Variants in RMDN1 observed in about 807,000 individuals in gnomAD.
The protein encoded by RMDN1 is regulator of microtubule dynamics protein 1.
A neutral mutation model predicts 48.9 loss-of-function variants in RMDN1; 48 were observed. The observed-to-expected ratio is 0.98, with a 90% confidence interval of 0.78 to 1.25. The LOEUF is 1.25. Among genes scored for constraint, RMDN1 ranks in the 50% most tolerant of loss-of-function variants. The pLI is 0.00. For missense variants in RMDN1, 418 were observed against 373.4 expected (o/e 1.12, Z -0.98); for synonymous variants, 148 against 132.6 (o/e 1.12, Z -0.80).
chr8:86,470,985 T>C (rs768171322), downstream of RMDN1, among the ~76,000 whole-genome samples: 1 of 152,086 alleles, frequency 6.6e-6, no homozygotes, highest in African/African-American at 2.4e-5. Flanking sequence ...CTACATGTGA[T>C]AGAATTGCAT....
At chr8:86,481,330 AAAAT>A (rs934435470) in intron 5 of RMDN1, among the ~76,000 whole-genome samples, 1 of 152,190 alleles carries the variant, frequency 6.6e-6, no homozygotes, top group African/African-American at 2.4e-5. Context: ...GTTGTGGTAA[AAAAT>A]AAATAAGTAT....
intron 7 of RMDN1, chr8:86,478,657 A>G (rs375449511): frequency 3.1e-5 from 13 of 423,214 alleles, no homozygotes; most frequent in African/African-American, 2.0e-4. Flanking sequence ...TTAGATTTCA[A>G]ACAGAAAATG....
At chr8:86,503,665 C>A in intron 2 of RMDN1, 1 of 483,868 alleles carries the variant, frequency 2.1e-6, no homozygotes, top group South Asian at 1.6e-5. Flanking sequence ...ACACGGGAGT[C>A]ATCAGTGCTC....
At chr8:86,513,389 T>A (rs1337894884), upstream of RMDN1, among the ~76,000 whole-genome samples, 1 of 152,112 alleles carries the variant, frequency 6.6e-6, no homozygotes, top group Non-Finnish European at 1.5e-5. Context: ...AAAATAAAAA[T>A]AAAAAATAAA....
chr8:86,481,966 A>C, intron 5 of RMDN1: 1 of 874,762 alleles, frequency 1.1e-6, no homozygotes. Flanking sequence ...TGCTGCAAGC[A>C]GAAATCCACA....
intron 2 of RMDN1, among the ~76,000 whole-genome samples, chr8:86,499,537 G>T (rs1817880094): frequency 1.3e-5 from 2 of 152,102 alleles, no homozygotes; most frequent in South Asian, 4.1e-4. Context: ...GGAAATCAGA[G>T]ATGACAGAAA....
At chr8:86,492,257 T>C (rs1563628533) in intron 2 of RMDN1, among the ~76,000 whole-genome samples, 1 of 152,290 alleles carries the variant, frequency 6.6e-6, no homozygotes, top group East Asian at 1.9e-4. Flanking sequence ...AGTTGGGCAC[T>C]TGTGATTATC....
chr8:86,469,731 C>G (rs1030439098), downstream of RMDN1, among the ~76,000 whole-genome samples: 3 of 152,206 alleles, frequency 2.0e-5, no homozygotes, highest in African/African-American at 7.2e-5. Context: ...CTGTAACACT[C>G]AGTTGGCCTT....
At chr8:86,477,460 C>G (rs904874698) in intron 7 of RMDN1, 136 bp from the exon 8 acceptor site, 5 of 644,900 alleles carry the variant, frequency 7.8e-6, no homozygotes, top group Non-Finnish European at 1.3e-5. Flanking sequence ...ATGGTCACTT[C>G]TTCAACAGTG....
chr8:86,468,723 C>T, downstream of RMDN1: 1 of 456,122 alleles, frequency 2.2e-6, no homozygotes, highest in South Asian at 1.5e-5. Flanking sequence ...AGAGACAAAA[C>T]CAGCTTTGTT....
upstream of RMDN1, chr8:86,508,751 T>TGCACAGCACCTCTTCCGCCTCCC: frequency 7.2e-7 from 1 of 1,388,536 alleles, no homozygotes; most frequent in African/African-American, 1.5e-5. Flanking sequence ...TTCCGCCTCC[T>TGCACAGCACCTCTTCCGCCTCCC]GCCCAGCACC....
chr8:86,513,481 G>C (rs1737424458), upstream of RMDN1, among the ~76,000 whole-genome samples: 2 of 152,172 alleles, frequency 1.3e-5, no homozygotes, highest in Admixed American at 1.3e-4. Context: ...CTGTTTCCTT[G>C]GGAAGAAGTT....
intron 2 of RMDN1, chr8:86,505,249 T>A (rs118129323): frequency 1.5e-4 from 79 of 527,200 alleles, no homozygotes; most frequent in Non-Finnish European, 2.5e-4. Flanking sequence ...TTTTTAAATA[T>A]TTTATTTCCT....
intron 2 of RMDN1, among the ~76,000 whole-genome samples, chr8:86,500,276 T>C (rs919959383): frequency 6.6e-6 from 1 of 152,092 alleles, no homozygotes; most frequent in Admixed American, 6.5e-5. Context: ...ATTTGCAAAC[T>C]ATGCATCTGA....
chr8:86,507,122 C>CA lies in RMDN1; in HGVS notation c.130-11dup. 6.6e-7 allele frequency: 1 copy of CA among 1,516,150 alleles called. No individual in the cohort carries two copies. Among genetic ancestry groups the CA allele is most frequent in the African/African-American group, 1.4e-5 (1 of 72,996 alleles). The allele number at this position is 1,516,150 out of a possible 1,614,324, so 93.9% of individuals were successfully genotyped here. ...CTGGGTTTCCCATTACCTATGGAAACAATTATGTTAAGAGTTACAAACTTT... is the reference window on the plus strand; with the variant it reads ...CTGGGTTTCCCATTACCTATGGAAACAAATTATGTTAAGAGTTACAAACTTT... On this transcript the variant is annotated splice_polypyrimidine_tract_variant and intron_variant, in intron 1 of 9. Coordinates refer to ENST00000406452, the MANE Select transcript of RMDN1 (RefSeq NM_016033.3).
In RMDN1 at chr8:86,473,855, A is replaced by T; in HGVS notation, c.*453T>A. On this transcript the variant is annotated 3_prime_UTR_variant, in exon 10 of 10. Coordinates refer to ENST00000406452, the MANE Select transcript of RMDN1 (RefSeq NM_016033.3). The stretch of plus-strand genomic sequence containing the variant: ...AGGTTAGCTCCAAGATATATCATTT[A>T]ACTACTTTATGTCAGGAACCCACAA... The T allele has an allele frequency of 3.0e-6, 3 of 988,662 alleles. No homozygotes were observed. The highest frequency in any genetic ancestry group is 3.6e-6 in the Non-Finnish European group (3 of 832,110). The allele number at this position is 988,662 out of a possible 1,614,324, so 61.2% of individuals were successfully genotyped here.
At chr8:86,498,107 A>G (rs1817660430) in intron 2 of RMDN1, among the ~76,000 whole-genome samples, 1 of 152,218 alleles carries the variant, frequency 6.6e-6, no homozygotes, top group Non-Finnish European at 1.5e-5. Context: ...AAAAATAAAA[A>G]TCCTCAGAGA....
intron 2 of RMDN1, among the ~76,000 whole-genome samples, chr8:86,503,382 AAAAAAAAC>A (rs1563656607): frequency 1.5e-4 from 17 of 113,298 alleles, no homozygotes; most frequent in South Asian, 4.9e-4. Context: ...AAAAAAAAAA[AAAAAAAAC>A]AAAAAAAAAT....
chr8:86,499,055 T>C (rs894561958), intron 2 of RMDN1, among the ~76,000 whole-genome samples: 1 of 152,096 alleles, frequency 6.6e-6, no homozygotes, highest in African/African-American at 2.4e-5. Context: ...AACTAAGCAC[T>C]GAAGGAACGC....
Sources: gnomAD v4.1 joint callset for allele counts (sites outside exome capture counted in the v4.1 genomes callset) on GRCh38, gnomAD v4.1.1 for gene constraint, MANE v1.5 for transcripts, NCBI Gene and HGNC (gene_info 2026-07-23, HGNC 2026-07-21) for gene names.